Variants in CYFIP1 observed in about 807,000 individuals in gnomAD.
The protein encoded by CYFIP1 is cytoplasmic FMR1-interacting protein 1.
Under a neutral mutation model 163.5 loss-of-function variants are expected in CYFIP1, and 58 were observed. The ratio of observed to expected loss-of-function variants is 0.35; its 90% CI spans 0.29 to 0.44. The LOEUF (loss-of-function observed/expected upper bound fraction) is 0.44, where lower values mean the gene tolerates loss of function less well. Among genes scored for constraint, CYFIP1 ranks in the 20% least tolerant of loss-of-function variants. The pLI, the probability that CYFIP1 is intolerant of heterozygous loss-of-function variation, is 1.00. For missense variants in CYFIP1, 1,338 were observed against 1,653.8 expected (o/e 0.81, Z 3.31); for synonymous variants, 663 against 660.7 (o/e 1.00, Z -0.05).
chr15:22,969,016 T>C (rs760594243), intron 1 of CYFIP1, among the ~76,000 whole-genome samples: 3 of 152,172 alleles, frequency 2.0e-5, no homozygotes, highest in Non-Finnish European at 4.4e-5. Flanking sequence ...TCATCCCCAC[T>C]GTCCTGGCCA....
In CYFIP1 at chr15:22,892,956, T is replaced by A; in HGVS notation, c.2610A>T (p.Pro870=). ...TATCTCTTTGAAATTCCTGAGAAAA[T>A]GGTAACACTGTCCGAACAAACCTAA... ...STNRFVRTVL[P]FSQEFQRDKQ... is the part of the protein sequence containing the mutation. The change falls in exon 23 of 31, where the codon CCA becomes CCT. Residue 870 remains proline, a synonymous_variant. Coordinates refer to ENST00000617928, the MANE Select transcript of CYFIP1 (RefSeq NM_014608.6). 6.2e-7 allele frequency: 1 copy of A among 1,613,152 alleles called. No homozygotes were observed. The highest frequency in any genetic ancestry group is 8.5e-7 in the Non-Finnish European group (1 of 1,179,404).
chr15:22,907,219 T>C (rs907761248), intron 21 of CYFIP1, among the ~76,000 whole-genome samples: 1 of 152,184 alleles, frequency 6.6e-6, no homozygotes, highest in African/African-American at 2.4e-5. Flanking sequence ...TCAGGCATCT[T>C]TGAAGAGCTC....
intron 6 of CYFIP1, among the ~76,000 whole-genome samples, chr15:22,942,251 G>T (rs1298599844): frequency 1.3e-5 from 2 of 152,230 alleles, no homozygotes; most frequent in Non-Finnish European, 2.9e-5. Context: ...ACAGTTGTAT[G>T]ATTTAAAATG....
chr15:22,938,347 T>C (rs1370176201), intron 8 of CYFIP1, among the ~76,000 whole-genome samples: 2 of 152,194 alleles, frequency 1.3e-5, no homozygotes, highest in Non-Finnish European at 2.9e-5. Flanking sequence ...CTTATGCCTG[T>C]AATCCTAGCA....
intron 1 of CYFIP1, among the ~76,000 whole-genome samples, chr15:22,948,706 C>T (rs2062141958): frequency 6.6e-6 from 1 of 151,030 alleles, no homozygotes; most frequent in African/African-American, 2.4e-5. Context: ...GTAACACTCC[C>T]AAACTGAATG....
Position 22,962,859 on chromosome 15 carries a change from C to T in CYFIP1, c.-6-15568G>A, listed in dbSNP as rs530265723. ...CGGTGCTCCTGAAGCACCATGTTGACGTGTGCGTGCTATTCCACCCAACCA... is the reference window on the plus strand; with the variant it reads ...CGGTGCTCCTGAAGCACCATGTTGATGTGTGCGTGCTATTCCACCCAACCA... On this transcript the variant is annotated intron_variant, in intron 1 of 30. Coordinates refer to ENST00000617928, the MANE Select transcript of CYFIP1 (RefSeq NM_014608.6). 8.6e-4 allele frequency among the ~76,000 whole-genome samples: 131 copies of T among 152,322 alleles called. 2 individuals are homozygous for T. Among genetic ancestry groups the T allele is most frequent in the Admixed American group, 8.3e-3 (127 of 15,294 alleles).
intron 1 of CYFIP1, among the ~76,000 whole-genome samples, chr15:22,962,652 C>T (rs1428640700): frequency 6.6e-6 from 1 of 152,042 alleles, no homozygotes. Flanking sequence ...GATCCACCAG[C>T]CTCGGCCTCC....
chr15:22,952,103 G>A (rs1345007783), intron 1 of CYFIP1, among the ~76,000 whole-genome samples: 3 of 152,098 alleles, frequency 2.0e-5, no homozygotes, highest in Admixed American at 6.5e-5. Flanking sequence ...GAACCTTAAC[G>A]ACCTTAGGCT....
intron 1 of CYFIP1, among the ~76,000 whole-genome samples, chr15:22,977,916 G>A (rs1255676620): frequency 6.6e-6 from 1 of 152,048 alleles, no homozygotes; most frequent in African/African-American, 2.4e-5. Context: ...TAAACCCAAA[G>A]TCACCTTTAG....
At chr15:22,922,722 C>T (rs937245575) in intron 13 of CYFIP1, among the ~76,000 whole-genome samples, 1 of 152,122 alleles carries the variant, frequency 6.6e-6, no homozygotes. Context: ...CTGGGCGTGG[C>T]GGCTCATGCC....
intron 22 of CYFIP1, among the ~76,000 whole-genome samples, chr15:22,894,278 C>CTTTT (rs57603773): frequency 7.6e-5 from 5 of 65,456 alleles, no homozygotes; most frequent in Non-Finnish European, 1.1e-4. Context: ...GCAGACTTTT[C>CTTTT]TTTTTTTTTT....
chr15:22,952,966 T>C (rs2062310483), intron 1 of CYFIP1, among the ~76,000 whole-genome samples: 1 of 152,152 alleles, frequency 6.6e-6, no homozygotes, highest in African/African-American at 2.4e-5. Context: ...CACATTTTCA[T>C]ATTTCAGGTT....
chr15:22,979,749 T>A (rs2063405590), intron 1 of CYFIP1, among the ~76,000 whole-genome samples: 1 of 151,934 alleles, frequency 6.6e-6, no homozygotes, highest in Admixed American at 6.6e-5. Flanking sequence ...AGCCCAAAAC[T>A]CCTCTCTCCA....
Position 22,947,108 on chromosome 15 carries a change from A to G in CYFIP1, c.118-16T>C, listed in dbSNP as rs2062087333. On this transcript the variant is annotated splice_polypyrimidine_tract_variant and intron_variant, in intron 2 of 30. Transcript: ENST00000617928. ...TGAAATTTGGCTGAAGGAAAGGAAG[A>G]GAAAAACATCATGTGGGGTCGGAGC... 6.2e-7 allele frequency: 1 copy of G among 1,614,012 alleles called. No individual in the cohort carries two copies. Among genetic ancestry groups the G allele is most frequent in the South Asian group, 1.1e-5 (1 of 91,088 alleles).
rs2060121283 is a variant in CYFIP1 at position 22,892,992 on chromosome 15, T to C, written c.2589-15A>G. 2 of 1,595,042 alleles carry C rather than the reference T, an allele frequency of 1.3e-6. No homozygotes were observed. The highest frequency in any genetic ancestry group is 1.7e-6 in the Non-Finnish European group (2 of 1,166,708). On this transcript the variant is annotated splice_polypyrimidine_tract_variant and intron_variant, in intron 22 of 30. Coordinates refer to ENST00000617928, the MANE Select transcript of CYFIP1 (RefSeq NM_014608.6). Reference sequence around the variant, plus strand: ...TCCGAACAAACCTAAACAAGAAAGATTTAAAAAAGAAAAAGAAACCAAATT... The same window carrying C: ...TCCGAACAAACCTAAACAAGAAAGACTTAAAAAAGAAAAAGAAACCAAATT...
At position 22,929,631 on chromosome 15, in the gene CYFIP1, C is replaced by CAAAAAA. The variant is rs35408380; in HGVS notation, c.1111-1609_1111-1604dup. 1.3e-3 allele frequency among the ~76,000 whole-genome samples: 53 copies of CAAAAAA among 42,258 alleles called. 3 individuals are homozygous for CAAAAAA. The highest frequency in any genetic ancestry group is 1.3e-3 in the Non-Finnish European group (35 of 26,048). The allele number at this position is 42,258 out of a possible 152,430, so 27.7% of individuals were successfully genotyped here. A position where few individuals can be genotyped will look rare whatever the true frequency, so the allele number is the denominator to read the frequency against. On this transcript the variant is annotated intron_variant, in intron 11 of 30. Coordinates refer to ENST00000617928, the MANE Select transcript of CYFIP1 (RefSeq NM_014608.6). ...TGGGCAACAGAGAGAGACTCTGTCTCAAAAAAAAAAAAAAAAAAAAAAGGC... is the reference window on the plus strand; with the variant it reads ...TGGGCAACAGAGAGAGACTCTGTCTCAAAAAAAAAAAAAAAAAAAAAAAAAAAAGGC...
At chr15:22,955,372 G>A (rs2062409616) in intron 1 of CYFIP1, among the ~76,000 whole-genome samples, 1 of 152,208 alleles carries the variant, frequency 6.6e-6, no homozygotes, top group East Asian at 1.9e-4. Context: ...CCCACCCAGG[G>A]GGTCAAGGCC....
rs113430466 is a variant in CYFIP1, at chr15:22,898,669, G to A, written c.2588+5037C>T. On this transcript the variant is annotated intron_variant, in intron 22 of 30. Transcript: ENST00000617928. ...TCCCATGTCAGCCTTCCAAGTAGCT[G>A]AGACTACAGGGGTGTGCTACCATAC... Among the ~76,000 whole-genome samples the A allele has an allele frequency of 7.0e-4, 106 of 152,164 alleles. 1 individual carries two copies. Among genetic ancestry groups the A allele is most frequent in the African/African-American group, 2.4e-3 (100 of 41,494 alleles).
intron 12 of CYFIP1, among the ~76,000 whole-genome samples, chr15:22,927,083 T>G (rs1383537503): frequency 6.6e-6 from 1 of 152,124 alleles, no homozygotes; most frequent in African/African-American, 2.4e-5. Context: ...ACGCCTGTAA[T>G]CCCAGCACTT....
Sources: gnomAD v4.1 joint callset for allele counts (sites outside exome capture counted in the v4.1 genomes callset) on GRCh38, gnomAD v4.1.1 for gene constraint, MANE v1.5 for transcripts, NCBI Gene and HGNC (gene_info 2026-07-23, HGNC 2026-07-21) for gene names.